TRERF1: variants seen among roughly 807,000 people sequenced by gnomAD.
TRERF1 encodes the protein transcriptional regulating factor 1.
TRERF1 carries 27 observed loss-of-function variants against 122.9 expected under a neutral mutation model. The ratio of observed to expected loss-of-function variants is 0.22; its 90% CI spans 0.16 to 0.30. The LOEUF is 0.30. Among genes scored for constraint, TRERF1 ranks in the 10% least tolerant of loss-of-function variants. TRERF1 has a pLI of 1.00. For missense variants in TRERF1, 1,248 were observed against 1,560.3 expected (o/e 0.80, Z 3.37); for synonymous variants, 636 against 641.7 (o/e 0.99, Z 0.13).
At chr6:42,246,994 C>T (rs1774922469) in intron 13 of TRERF1, among the ~76,000 whole-genome samples, 1 of 152,164 alleles carries the variant, frequency 6.6e-6, no homozygotes, top group East Asian at 1.9e-4. Context: ...CACCCTCCAC[C>T]CTCAAGATGC....
At chr6:42,379,811 G>A (rs1017588113) in intron 2 of TRERF1, among the ~76,000 whole-genome samples, 57 of 152,248 alleles carry the variant, frequency 3.7e-4, no homozygotes, top group African/African-American at 1.3e-3. Flanking sequence ...GATGACATGG[G>A]ATTACAGGTG....
intron 2 of TRERF1, among the ~76,000 whole-genome samples, chr6:42,423,262 C>T (rs1783070335): frequency 6.6e-6 from 1 of 152,234 alleles, no homozygotes. Context: ...AAACATGTTC[C>T]TTCTTTGTCC....
At chr6:42,264,734 C>A in exon 7 of TRERF1, 1 of 1,614,132 alleles carries the variant, frequency 6.2e-7, no homozygotes, top group Non-Finnish European at 8.5e-7. Context: ...CCCTCATTCC[C>A]CCGTGGGACC....
At chr6:42,254,707 A>G in intron 13 of TRERF1, 144 bp downstream of exon 13, 1 of 744,068 alleles carries the variant, frequency 1.3e-6, no homozygotes, top group South Asian at 1.6e-5. Flanking sequence ...AGCAACAGAC[A>G]TAGCTCTGCC....
chr6:42,434,292 C>T (rs1189114220), intron 2 of TRERF1, among the ~76,000 whole-genome samples: 2 of 151,772 alleles, frequency 1.3e-5, no homozygotes, highest in Non-Finnish European at 2.9e-5. Flanking sequence ...TGACCAAAAA[C>T]ACAGAGCCAT....
At chr6:42,288,625 A>G (rs141499591) in intron 4 of TRERF1, among the ~76,000 whole-genome samples, 2 of 150,782 alleles carry the variant, frequency 1.3e-5, no homozygotes, top group Non-Finnish European at 3.0e-5. Context: ...TGACCTTGGC[A>G]GAAAAGTCAG....
At chr6:42,400,618 G>T (rs1779250440) in intron 2 of TRERF1, among the ~76,000 whole-genome samples, 1 of 152,208 alleles carries the variant, frequency 6.6e-6, no homozygotes, top group South Asian at 2.1e-4. Context: ...CAGCATCCTT[G>T]TGAGACTGTG....
chr6:42,430,906 A>G (rs1277423726), intron 2 of TRERF1, among the ~76,000 whole-genome samples: 1 of 151,662 alleles, frequency 6.6e-6, no homozygotes, highest in African/African-American at 2.4e-5. Flanking sequence ...AAAAAAAAAA[A>G]AAAAATTAGC....
chr6:42,299,931 G>A (rs989216917), intron 4 of TRERF1, among the ~76,000 whole-genome samples: 1 of 152,360 alleles, frequency 6.6e-6, no homozygotes, highest in African/African-American at 2.4e-5. Flanking sequence ...CAGGTTGCAT[G>A]AGCAACCAGC....
At chr6:42,394,017 T>C (rs558068530) in intron 2 of TRERF1, among the ~76,000 whole-genome samples, 2 of 152,252 alleles carry the variant, frequency 1.3e-5, no homozygotes, top group South Asian at 2.1e-4. Context: ...TGATTTCCTA[T>C]ATGTTCCAAC....
chr6:42,263,608 A>T lies in TRERF1; in HGVS notation c.1636-40T>A. 6.9e-7 allele frequency: 1 copy of T among 1,455,566 alleles called. No individual in the cohort carries two copies. Among genetic ancestry groups the T allele is most frequent in the Non-Finnish European group, 9.1e-7 (1 of 1,099,274 alleles). 90.2% of individuals were successfully genotyped at this position (1,455,566 alleles called of 1,614,324 possible). ...AAGGCTTTGATCCTGGGCTGAGAGC[A>T]GCTCTCACAAGGGGGATGCACTTTG... On this transcript the variant is annotated intron_variant, in intron 7 of 17. Coordinates refer to ENST00000372922, the Ensembl canonical transcript of TRERF1. This position sits in a 1 kb window ranked among gnomAD's most constrained non-coding sequence, Gnocchi z 5.6.
chr6:42,383,306 C>A (rs932695211), intron 2 of TRERF1, among the ~76,000 whole-genome samples: 1 of 152,150 alleles, frequency 6.6e-6, no homozygotes, highest in African/African-American at 2.4e-5. Flanking sequence ...CAAATGTATC[C>A]TATTTCTCCT....
At chr6:42,395,372 A>G (rs893469944) in intron 2 of TRERF1, among the ~76,000 whole-genome samples, 2 of 152,188 alleles carry the variant, frequency 1.3e-5, no homozygotes, top group Non-Finnish European at 2.9e-5. Context: ...TGTCATTCTT[A>G]AGATCTGGCT....
chr6:42,404,907 T>C (rs1001387964), intron 2 of TRERF1, among the ~76,000 whole-genome samples: 8 of 152,066 alleles, frequency 5.3e-5, no homozygotes, highest in East Asian at 1.9e-4. Flanking sequence ...GACAGGGAGA[T>C]TGAAGGGTCA....
intron 4 of TRERF1, among the ~76,000 whole-genome samples, chr6:42,283,460 C>A (rs947299254): frequency 4.6e-5 from 7 of 152,064 alleles, no homozygotes; most frequent in Non-Finnish European, 8.8e-5. Flanking sequence ...TAATAGTTGT[C>A]TGCAGGGAGG....
chr6:42,268,386 C>G lies in TRERF1; in HGVS notation c.1205G>C (p.Arg402Pro), dbSNP rs143722540. 102 of 1,540,770 alleles carry G rather than the reference C, an allele frequency of 6.6e-5. No homozygotes were observed. In the Middle Eastern group the frequency reaches 4.1e-3, roughly 61 times the overall value. Residue 402 changes from arginine (R) to proline (P), a missense_variant, in exon 5 of 18, where the codon CGT (arginine) becomes CCT (proline). Physicochemically the swap from Arg to Pro is moderately radical, Grantham distance 103 (BLOSUM62 -2). Coordinates refer to ENST00000372922, the Ensembl canonical transcript of TRERF1. The surrounding 1 kb of genome is among the most constrained non-coding windows in gnomAD (Gnocchi z 4.4). ...GTAGGTCTTCAGCTGACTGTCCTCACGCTGCTGGTGCTGGGACAGGTGGCT... is the reference window on the plus strand; with the variant it reads ...GTAGGTCTTCAGCTGACTGTCCTCAGGCTGCTGGTGCTGGGACAGGTGGCT...
At chr6:42,433,268 T>A (rs147475275) in intron 2 of TRERF1, among the ~76,000 whole-genome samples, 112 of 152,118 alleles carry the variant, frequency 7.4e-4, no homozygotes, top group African/African-American at 2.7e-3. Context: ...TTCAGGGCTA[T>A]GAACATATCC....
Position 42,263,647 on chromosome 6 carries a change from G to A in TRERF1, c.1636-79C>T. On this transcript the variant is annotated intron_variant, in intron 7 of 17. Transcript: ENST00000372922. This position sits in a 1 kb window ranked among gnomAD's most constrained non-coding sequence, Gnocchi z 5.6. ...GGATGCACTTTGCTTTTCCCGAAAGGTTCCAGGACATCAGGTATGGGTGAT... is the reference window on the plus strand; with the variant it reads ...GGATGCACTTTGCTTTTCCCGAAAGATTCCAGGACATCAGGTATGGGTGAT... 7.1e-7 allele frequency: 1 copy of A among 1,401,452 alleles called. No individual in the cohort carries two copies. Among genetic ancestry groups the A allele is most frequent in the Non-Finnish European group, 9.3e-7 (1 of 1,073,210 alleles). The allele number at this position is 1,401,452 out of a possible 1,614,324, so 86.8% of individuals were successfully genotyped here.
At chr6:42,258,770 C>T (rs977776455) in intron 9 of TRERF1, among the ~76,000 whole-genome samples, 1 of 151,962 alleles carries the variant, frequency 6.6e-6, no homozygotes, top group Non-Finnish European at 1.5e-5. Flanking sequence ...GTTTCACTCT[C>T]ATCCCCCAGG....
Sources: gnomAD v4.1 joint callset for allele counts (sites outside exome capture counted in the v4.1 genomes callset) on GRCh38, gnomAD v4.1.1 for gene constraint, Gnocchi (gnomAD v3.1) non-coding constraint, MANE v1.5 for transcripts, NCBI Gene and HGNC (gene_info 2026-07-23, HGNC 2026-07-21) for gene names.